The following DSCAM variants were observed in gnomAD, a reference collection of about 807,000 sequenced individuals.
DSCAM encodes the protein DS cell adhesion molecule.
In DSCAM, 47 loss-of-function variants were observed where a neutral mutation model predicts 217.7. That is an observed-to-expected ratio of 0.22 (90% CI 0.17 to 0.28). The LOEUF (loss-of-function observed/expected upper bound fraction) is 0.28, where lower values mean the gene tolerates loss of function less well. DSCAM is among the 10% of genes least tolerant of loss of function. The pLI is 1.00. For synonymous variants in DSCAM, 1,056 were observed against 1,015.3 expected (o/e 1.04, Z -0.76); for missense variants, 2,080 against 2,618.3 (o/e 0.79, Z 4.49).
chr21:40,093,834 T>C lies in DSCAM; in HGVS notation c.3737A>G (p.Tyr1246Cys). 3 of 1,613,908 alleles carry C rather than the reference T, an allele frequency of 1.9e-6. No homozygotes were observed. Among genetic ancestry groups the C allele is most frequent in the Admixed American group, 1.7e-5 (1 of 59,996 alleles). Residue 1246 changes from tyrosine (Y) to cysteine (C), a missense_variant, in exon 21 of 33, where the codon TAC becomes TGC. Physicochemically the swap from Tyr to Cys is radical, Grantham distance 194. Transcript: ENST00000400454. ...EFEASPDSFS[Y>C]RIPNLSRNRQ... ...ATTCCTACTCAGGTTGGGAATTCTG[T>C]AGGAAAACGAGTCGGGAGAGGCCTC...
chr21:40,321,142 G>A (rs991888816), intron 8 of DSCAM, among the ~76,000 whole-genome samples: 3 of 152,200 alleles, frequency 2.0e-5, no homozygotes, highest in African/African-American at 7.2e-5. Flanking sequence ...TGGAACCATT[G>A]TTCCTCAGTG....
At chr21:40,066,631 T>C (rs533564286) in intron 27 of DSCAM, among the ~76,000 whole-genome samples, 9 of 152,356 alleles carry the variant, frequency 5.9e-5, no homozygotes, top group African/African-American at 2.2e-4. Flanking sequence ...ATAGAAGACT[T>C]CACAATTATT....
chr21:40,298,955 T>C (rs1308567241), intron 9 of DSCAM, among the ~76,000 whole-genome samples: 1 of 152,164 alleles, frequency 6.6e-6, no homozygotes, highest in Non-Finnish European at 1.5e-5. Context: ...TAGTTACAGA[T>C]AAAAACGGTC....
At chr21:40,743,049 A>G (rs1274150193) in intron 1 of DSCAM, among the ~76,000 whole-genome samples, 1 of 152,230 alleles carries the variant, frequency 6.6e-6, no homozygotes, top group East Asian at 1.9e-4. Flanking sequence ...CACTTACTTT[A>G]CTGAAGAAGA....
chr21:40,780,413 G>GTATATATATATATATATA (rs1196794146), intron 1 of DSCAM, among the ~76,000 whole-genome samples: 9 of 45,116 alleles, frequency 2.0e-4, no homozygotes, highest in East Asian at 4.6e-4. Context: ...GTGTGTGTGT[G>GTATATATATATATATATA]TGTGTGTGTG....
chr21:40,582,586 T>C (rs1048087024), intron 3 of DSCAM, among the ~76,000 whole-genome samples: 1 of 152,182 alleles, frequency 6.6e-6, no homozygotes, highest in African/African-American at 2.4e-5. Context: ...CAAGGAGAGA[T>C]AGCAAATTAG....
At chr21:40,829,983 G>T (rs1428489838) in intron 1 of DSCAM, among the ~76,000 whole-genome samples, 1 of 152,140 alleles carries the variant, frequency 6.6e-6, no homozygotes, top group African/African-American at 2.4e-5. Flanking sequence ...AGCCATGTTT[G>T]CTATCTGGCT....
At chr21:40,560,538 C>T (rs1342846225) in intron 3 of DSCAM, among the ~76,000 whole-genome samples, 2 of 152,188 alleles carry the variant, frequency 1.3e-5, no homozygotes, top group African/African-American at 2.4e-5. Context: ...AGCGACTCCT[C>T]GACTTACAGT....
At chr21:40,615,794 G>A (rs60487796) in intron 3 of DSCAM, among the ~76,000 whole-genome samples, 3,690 of 152,094 alleles carry the variant, frequency 0.024, 116 homozygotes, top group East Asian at 0.092. Flanking sequence ...AATGTGATAT[G>A]GGCAGTCTTT....
intron 3 of DSCAM, among the ~76,000 whole-genome samples, chr21:40,408,756 G>A (rs1343575946): frequency 6.6e-6 from 1 of 152,144 alleles, no homozygotes; most frequent in Non-Finnish European, 1.5e-5. Flanking sequence ...CACACAGCTG[G>A]AGTGACGTGT....
intron 3 of DSCAM, among the ~76,000 whole-genome samples, chr21:40,533,188 C>T (rs1044540348): frequency 2.1e-4 from 32 of 152,164 alleles, no homozygotes; most frequent in Non-Finnish European, 1.6e-4. Context: ...ACCTCATTGT[C>T]TTGGCTTAAA....
At chr21:40,111,618 G>A (rs1317159628) in intron 20 of DSCAM, among the ~76,000 whole-genome samples, 4 of 152,092 alleles carry the variant, frequency 2.6e-5, no homozygotes, top group African/African-American at 4.8e-5. Context: ...GACACTGACT[G>A]GCAAATTGGA....
At chr21:40,196,699 T>C (rs1187752249) in intron 11 of DSCAM, among the ~76,000 whole-genome samples, 1 of 152,086 alleles carries the variant, frequency 6.6e-6, no homozygotes, top group African/African-American at 2.4e-5. Context: ...CCTCCCTCTA[T>C]TTCTGTCTCC....
At chr21:40,415,983 C>T (rs1246838046) in intron 3 of DSCAM, among the ~76,000 whole-genome samples, 1 of 152,152 alleles carries the variant, frequency 6.6e-6, no homozygotes, top group Non-Finnish European at 1.5e-5. Context: ...CACAGGATTA[C>T]TTCAAACTTC....
chr21:40,765,847 C>A (rs1046149947), intron 1 of DSCAM, among the ~76,000 whole-genome samples: 5 of 152,200 alleles, frequency 3.3e-5, no homozygotes, highest in Non-Finnish European at 7.3e-5. Context: ...TCTAGGGCTC[C>A]GATGCCCGCT....
At chr21:40,383,607 C>G (rs1179839982) in intron 3 of DSCAM, 3 of 152,278 alleles carry the variant, frequency 2.0e-5, no homozygotes, top group African/African-American at 7.2e-5. Flanking sequence ...CACTATTGCT[C>G]TAACACTTCT....
intron 25 of DSCAM, among the ~76,000 whole-genome samples, 163 bp from the exon 26 acceptor site, chr21:40,079,140 A>G (rs1392965787): frequency 1.3e-5 from 2 of 152,220 alleles, no homozygotes; most frequent in Non-Finnish European, 2.9e-5. Flanking sequence ...TAGAGACTTT[A>G]TGGACCAACA....
intron 3 of DSCAM, among the ~76,000 whole-genome samples, chr21:40,647,982 T>C (rs529047988): frequency 1.3e-5 from 2 of 152,260 alleles, no homozygotes; most frequent in South Asian, 2.1e-4. Flanking sequence ...ATACTGACAT[T>C]TGTTAGGGAA....
chr21:40,671,692 C>CAAA (rs71330402), intron 3 of DSCAM, among the ~76,000 whole-genome samples: 10,713 of 108,868 alleles, frequency 0.098, 858 homozygotes, highest in African/African-American at 0.2. Context: ...ATTCCTTAAA[C>CAAA]AAAAAAAAAA....
Sources: allele counts gnomAD v4.1 joint callset (sites outside exome capture counted in the v4.1 genomes callset), GRCh38; gene constraint gnomAD v4.1.1; transcripts MANE v1.5; gene names NCBI Gene and HGNC (gene_info 2026-07-23, HGNC 2026-07-21).